Variants in FASTKD1 observed in about 807,000 individuals in gnomAD.
FASTKD1 encodes FAST kinase domain-containing protein 1, mitochondrial.
Under a neutral mutation model 90.9 loss-of-function variants are expected in FASTKD1, and 94 were observed. The ratio of observed to expected loss-of-function variants is 1.03; its 90% CI spans 0.88 to 1.23. The LOEUF (loss-of-function observed/expected upper bound fraction) is 1.23. FASTKD1 is among the 50% of genes most tolerant of loss of function. FASTKD1 has a pLI of 0.00. For synonymous variants in FASTKD1, 319 were observed against 345.8 expected (o/e 0.92, Z 0.86); for missense variants, 945 against 993.5 (o/e 0.95, Z 0.66).
At chr2:169,545,324 T>C (rs1430902487) in intron 8 of FASTKD1, among the ~76,000 whole-genome samples, 2 of 152,284 alleles carry the variant, frequency 1.3e-5, no homozygotes, top group Admixed American at 6.5e-5. Flanking sequence ...GTACATTTTA[T>C]AGAATAATCA....
chr2:169,571,419 C>T (rs534930370), intron 2 of FASTKD1, among the ~76,000 whole-genome samples: 2 of 151,608 alleles, frequency 1.3e-5, no homozygotes, highest in South Asian at 4.2e-4. Context: ...AAAAAATTAG[C>T]CGGGCGTGGT....
Position 169,562,000 on chromosome 2 carries a change from TATTC to T in FASTKD1, c.573-1219_573-1216del, listed in dbSNP as rs1349058333. Among the ~76,000 whole-genome samples, 306 of 117,162 alleles carry T rather than the reference TATTC, an allele frequency of 2.6e-3. 30 individuals are homozygous for T. Among genetic ancestry groups the T allele is most frequent in the African/African-American group, 0.01 (288 of 27,610 alleles). The allele number at this position is 117,162 out of a possible 152,430, so 76.9% of individuals were successfully genotyped here. On this transcript the variant is annotated intron_variant, in intron 4 of 14. Transcript: ENST00000453153. ...ATTCATTAATTTATTGTAAATTAAT[TATTC>T]ATTAATTTATTGTAAATTAATTATT...
chr2:169,557,324 G>A, intron 5 of FASTKD1, 27 bp from the exon 6 acceptor site: 1 of 1,347,644 alleles, frequency 7.4e-7, no homozygotes, highest in Non-Finnish European at 1.0e-6. Flanking sequence ...AAAAGTTTTT[G>A]GTTGAAAGAC....
Position 169,572,103 on chromosome 2 carries a change from A to G in FASTKD1, c.-74T>C, listed in dbSNP as rs1345983677. 2.7e-6 allele frequency: 4 copies of G among 1,499,556 alleles called. No individual in the cohort carries two copies. Among genetic ancestry groups the G allele is most frequent in the Non-Finnish European group, 2.7e-6 (3 of 1,128,320 alleles). The allele number at this position is 1,499,556 out of a possible 1,614,324, so 92.9% of individuals were successfully genotyped here. A position where few individuals can be genotyped will look rare whatever the true frequency, so the allele number is the denominator to read the frequency against. On this transcript the variant is annotated 5_prime_UTR_variant, in exon 2 of 15. Coordinates refer to ENST00000453153, the MANE Select transcript of FASTKD1 (RefSeq NM_024622.6). Reference sequence around the variant, plus strand: ...TCAGGTGCAATAAGCAGGGATACAAATAACAGTTTTTCCTTCATGTATTTT... The same window carrying G: ...TCAGGTGCAATAAGCAGGGATACAAGTAACAGTTTTTCCTTCATGTATTTT...
At chr2:169,562,378 G>A (rs567065688) in intron 4 of FASTKD1, among the ~76,000 whole-genome samples, 8 of 151,730 alleles carry the variant, frequency 5.3e-5, no homozygotes, top group African/African-American at 1.2e-4. Context: ...GATTACAGGC[G>A]CCCGCCACCA....
At chr2:169,563,910 T>C (rs1330715771) in intron 3 of FASTKD1, among the ~76,000 whole-genome samples, 1 of 152,048 alleles carries the variant, frequency 6.6e-6, no homozygotes, top group Non-Finnish European at 1.5e-5. Context: ...AATGGATAAA[T>C]CCTTAAAACA....
intron 3 of FASTKD1, among the ~76,000 whole-genome samples, chr2:169,565,144 G>C (rs1023456513): frequency 1.7e-4 from 26 of 149,932 alleles, no homozygotes; most frequent in Non-Finnish European, 3.1e-4. Flanking sequence ...AGTAGAGACA[G>C]GGTTTCTCCA....
chr2:169,562,219 GTTT>G (rs1005312417), intron 4 of FASTKD1, among the ~76,000 whole-genome samples: 5 of 143,444 alleles, frequency 3.5e-5, no homozygotes, highest in Non-Finnish European at 6.1e-5. Flanking sequence ...TTTTGTTACT[GTTT>G]TTTTTTCGTT....
Position 169,537,676 on chromosome 2 carries a change from G to A in FASTKD1, c.2075-336C>T, listed in dbSNP as rs151153122. Reference sequence around the variant, plus strand: ...GCTGGGATTACAGGTGTGAGCCACCGCGCCCGGACTTAATCAGTTTTTTAA... The same window carrying A: ...GCTGGGATTACAGGTGTGAGCCACCACGCCCGGACTTAATCAGTTTTTTAA... On this transcript the variant is annotated intron_variant, in intron 11 of 14. Coordinates refer to ENST00000453153, the MANE Select transcript of FASTKD1 (RefSeq NM_024622.6). Among the ~76,000 whole-genome samples, 62 of 152,180 alleles carry A rather than the reference G, an allele frequency of 4.1e-4. 1 individual carries two copies. The East Asian group carries it at 9.3e-3, about 23-fold the overall frequency.
intron 12 of FASTKD1, among the ~76,000 whole-genome samples, chr2:169,533,530 A>T (rs1657681694): frequency 6.6e-6 from 1 of 152,200 alleles, no homozygotes; most frequent in African/African-American, 2.4e-5. Context: ...TACATACTTC[A>T]TAGGGATATA....
At chr2:169,547,807 C>T (rs1685269404) in intron 7 of FASTKD1, among the ~76,000 whole-genome samples, 2 of 134,620 alleles carry the variant, frequency 1.5e-5, no homozygotes, top group Non-Finnish European at 3.1e-5. Flanking sequence ...ATCTCTTGAA[C>T]CAGGGAGGTG....
At chr2:169,540,859 G>A (rs1287766197) in intron 9 of FASTKD1, among the ~76,000 whole-genome samples, 1 of 152,184 alleles carries the variant, frequency 6.6e-6, no homozygotes, top group Non-Finnish European at 1.5e-5. Flanking sequence ...GTTTGAGGCT[G>A]AGGTCTTGCC....
At chr2:169,550,623 C>T (rs1308283341) in intron 7 of FASTKD1, among the ~76,000 whole-genome samples, 1 of 152,106 alleles carries the variant, frequency 6.6e-6, no homozygotes, top group African/African-American at 2.4e-5. Flanking sequence ...GGACTACAGG[C>T]ATGAACTACT....
intron 3 of FASTKD1, among the ~76,000 whole-genome samples, chr2:169,564,746 C>T (rs913400366): frequency 7.9e-5 from 12 of 151,922 alleles, no homozygotes; most frequent in African/African-American, 2.4e-4. Context: ...CTCTGGTAAC[C>T]ATCGTTCTGC....
intron 7 of FASTKD1, 53 bp from the exon 8 acceptor site, chr2:169,546,757 T>C (rs1324728567): frequency 1.2e-5 from 18 of 1,502,720 alleles, no homozygotes; most frequent in Non-Finnish European, 1.5e-5. Context: ...AAAATATATA[T>C]GTATTAAAAT....
chr2:169,547,884 C>CAAGAAAAAAA (rs1685278209), intron 7 of FASTKD1, among the ~76,000 whole-genome samples: 1 of 21,330 alleles, frequency 4.7e-5, no homozygotes, highest in African/African-American at 1.2e-4. Flanking sequence ...GACTCCATCT[C>CAAGAAAAAAA]AAAAAAAAAA....
At chr2:169,539,849 G>GT (rs1360666668) in intron 10 of FASTKD1, among the ~76,000 whole-genome samples, 3 of 152,144 alleles carry the variant, frequency 2.0e-5, no homozygotes, top group Non-Finnish European at 4.4e-5. Flanking sequence ...AACATTAAAA[G>GT]TGGTAGTTTT....
chr2:169,538,461 G>A (rs1317783350), intron 10 of FASTKD1, among the ~76,000 whole-genome samples: 1 of 151,998 alleles, frequency 6.6e-6, no homozygotes, highest in African/African-American at 2.4e-5. Flanking sequence ...CGGATCACCT[G>A]AGGTCGGGAG....
rs181259068 is a variant in FASTKD1, at chr2:169,547,484, A to G, written c.1215-780T>C. ...GAGATTCTCTTTCCAGAGGCCTAAC[A>G]TACCCAACATTGTTAACAAAAGGCT... On this transcript the variant is annotated intron_variant, in intron 7 of 14. Coordinates refer to ENST00000453153, the MANE Select transcript of FASTKD1 (RefSeq NM_024622.6). Among the ~76,000 whole-genome samples, 728 of 152,312 alleles carry G rather than the reference A, an allele frequency of 4.8e-3. 3 individuals are homozygous for G. The highest frequency in any genetic ancestry group is 0.017 in the African/African-American group (705 of 41,570).
Sources: allele counts gnomAD v4.1 joint callset (sites outside exome capture counted in the v4.1 genomes callset), GRCh38; gene constraint gnomAD v4.1.1; transcripts MANE v1.5; gene names NCBI Gene and HGNC (gene_info 2026-07-23, HGNC 2026-07-21).